Variants in CRB1 observed in about 807,000 individuals in gnomAD.
CRB1 encodes protein crumbs homolog 1.
In CRB1, 83 loss-of-function variants were observed where a neutral mutation model predicts 120.0. The ratio of observed to expected loss-of-function variants is 0.69; its 90% confidence interval spans 0.58 to 0.83. The LOEUF (loss-of-function observed/expected upper bound fraction) is 0.83, where lower values mean the gene tolerates loss of function less well. Among genes scored for constraint, CRB1 ranks in the 40% least tolerant of loss-of-function variants. The pLI is 0.00. For missense variants in CRB1, 1,699 were observed against 1,687.6 expected, an observed-to-expected ratio of 1.01 and a Z score of -0.12; for synonymous variants, 625 against 612.5, an observed-to-expected ratio of 1.02 and a Z score of -0.30.
At chr1:197,391,843 T>C (rs190457403) in intron 5 of CRB1, among the ~76,000 whole-genome samples, 24 of 152,128 alleles carry the variant, frequency 1.6e-4, no homozygotes, top group African/African-American at 5.5e-4. Flanking sequence ...CCTCCTACAG[T>C]AATATACAGC....
the CRB1 span, among the ~76,000 whole-genome samples, chr1:197,218,788 C>T: frequency 6.6e-6 from 1 of 152,030 alleles, no homozygotes; most frequent in Admixed American, 6.6e-5. Flanking sequence ...TACTGGAGAA[C>T]AAAGAGAGGA....
At chr1:197,460,839 C>A (rs1031505277) in intron 11 of CRB1, among the ~76,000 whole-genome samples, 13 of 152,078 alleles carry the variant, frequency 8.5e-5, no homozygotes, top group African/African-American at 3.1e-4. Context: ...AGAAGAGATG[C>A]CATTACACAT....
rs571058445 is a variant in CRB1, at chr1:197,284,993, A to G, written c.70+16511A>G. Among the ~76,000 whole-genome samples the G allele has an allele frequency of 7.9e-5, 12 of 152,008 alleles. No individual in the cohort carries two copies. The South Asian group carries it at 2.5e-3, about 31-fold the overall frequency. ...TGTTACAGGTCAGTGGTTATCATAG[A>G]TGACTTTAAATATTCATTACAGGAA... On this transcript the variant is annotated intron_variant, in intron 1 of 11. Coordinates refer to ENST00000367400, the MANE Select transcript of CRB1 (RefSeq NM_201253.3).
chr1:197,251,099 A>C, the CRB1 span, among the ~76,000 whole-genome samples: 4 of 152,022 alleles, frequency 2.6e-5, no homozygotes, highest in African/African-American at 9.7e-5. Context: ...ATAATAAAAC[A>C]CAGTGGCTAA....
chr1:197,400,219 A>G (rs905565012), intron 5 of CRB1, among the ~76,000 whole-genome samples: 2 of 152,206 alleles, frequency 1.3e-5, no homozygotes, highest in South Asian at 4.2e-4. Context: ...TTGTTCTGCA[A>G]TTAACCGGAG....
At chr1:197,277,179 A>G (rs975308792) in intron 1 of CRB1, among the ~76,000 whole-genome samples, 4 of 151,946 alleles carry the variant, frequency 2.6e-5, no homozygotes, top group Non-Finnish European at 5.9e-5. Flanking sequence ...TAAAATGTTT[A>G]TAGTTTCAAC....
chr1:197,453,890 ATAT>A (rs1488657699), intron 11 of CRB1, among the ~76,000 whole-genome samples: 12 of 134,220 alleles, frequency 8.9e-5, no homozygotes, highest in Non-Finnish European at 1.3e-4. Flanking sequence ...TATATTATTA[ATAT>A]TATTATATTA....
At chr1:197,213,264 C>T in the CRB1 span, among the ~76,000 whole-genome samples, 3 of 152,254 alleles carry the variant, frequency 2.0e-5, no homozygotes, top group South Asian at 2.1e-4. Context: ...TTAAACAGAA[C>T]GTCTGTTCTG....
At chr1:197,345,564 AGTG>A (rs1659718912) in intron 3 of CRB1, among the ~76,000 whole-genome samples, 1 of 131,032 alleles carries the variant, frequency 7.6e-6, no homozygotes, top group African/African-American at 3.0e-5. Context: ...GCTGGAGTGC[AGTG>A]GTGTGATCTT....
chr1:197,458,335 G>C (rs1666374518), intron 11 of CRB1, among the ~76,000 whole-genome samples: 1 of 152,038 alleles, frequency 6.6e-6, no homozygotes, highest in Non-Finnish European at 1.5e-5. Context: ...CCCCAAAAGT[G>C]CCATTAAGAA....
intron 11 of CRB1, among the ~76,000 whole-genome samples, chr1:197,464,050 A>T (rs528342604): frequency 6.6e-6 from 1 of 152,316 alleles, no homozygotes; most frequent in Non-Finnish European, 1.5e-5. Flanking sequence ...ATGCCTTTTA[A>T]TATTGAGGTG....
At chr1:197,429,080 C>T (rs941012822) in intron 7 of CRB1, 6 of 1,504,840 alleles carry the variant, frequency 4.0e-6, no homozygotes, top group Admixed American at 2.0e-5. Context: ...ACTGGAAACA[C>T]CTTCTTTTTA....
chr1:197,341,310 A>C (rs1001931015), intron 2 of CRB1, among the ~76,000 whole-genome samples: 4 of 152,194 alleles, frequency 2.6e-5, no homozygotes, highest in African/African-American at 9.6e-5. Context: ...TGGGAGGCTG[A>C]GGCAGGCGGA....
chr1:197,258,479 G>A, the CRB1 span, among the ~76,000 whole-genome samples: 2 of 152,054 alleles, frequency 1.3e-5, no homozygotes, highest in African/African-American at 2.4e-5. Flanking sequence ...ATGTTCCATT[G>A]ATATTTCTGT....
chr1:197,392,702 A>AAT (rs1240739179), intron 5 of CRB1, among the ~76,000 whole-genome samples: 1 of 152,196 alleles, frequency 6.6e-6, no homozygotes, highest in Non-Finnish European at 1.5e-5. Context: ...TAAGTGAATC[A>AAT]ATATGACTAC....
intron 1 of CRB1, among the ~76,000 whole-genome samples, chr1:197,326,755 C>T (rs554074624): frequency 3.3e-5 from 5 of 151,932 alleles, no homozygotes; most frequent in Non-Finnish European, 7.4e-5. Context: ...TATTTTTGTC[C>T]GATCCTGACC....
the CRB1 span, among the ~76,000 whole-genome samples, chr1:197,247,559 A>G: frequency 6.6e-6 from 1 of 152,108 alleles, no homozygotes; most frequent in African/African-American, 2.4e-5. Flanking sequence ...AAGAAGGTAC[A>G]GAATACTAAT....
chr1:197,299,079 G>A (rs749434081), intron 1 of CRB1, among the ~76,000 whole-genome samples: 22 of 151,972 alleles, frequency 1.4e-4, no homozygotes, highest in Non-Finnish European at 3.1e-4. Context: ...CAAACTGGGA[G>A]AAGGAATTTG....
At chr1:197,282,010 C>A (rs545647947) in intron 1 of CRB1, among the ~76,000 whole-genome samples, 3 of 150,696 alleles carry the variant, frequency 2.0e-5, no homozygotes, top group Admixed American at 2.0e-4. Flanking sequence ...AAAATATTAA[C>A]TTGCTGCTTG....
Sources: allele counts gnomAD v4.1 joint callset (sites outside exome capture counted in the v4.1 genomes callset), GRCh38; gene constraint gnomAD v4.1.1; transcripts MANE v1.5; gene names NCBI Gene and HGNC (gene_info 2026-07-23, HGNC 2026-07-21).